Variants in SLC13A3 observed in about 807,000 individuals in gnomAD.
The protein encoded by SLC13A3 is solute carrier family 13 member 3.
In SLC13A3, 40 loss-of-function variants were observed where a neutral mutation model predicts 59.0. The observed-to-expected ratio is 0.68, with a 90% CI of 0.53 to 0.88. The LOEUF (loss-of-function observed/expected upper bound fraction) is 0.88. SLC13A3 is among the 40% of genes least tolerant of loss of function. The pLI is 0.00. For missense variants in SLC13A3, 699 were observed against 783.2 expected (o/e 0.89, Z 1.28); for synonymous variants, 317 against 330.3 (o/e 0.96, Z 0.44).
intron 1 of SLC13A3, among the ~76,000 whole-genome samples, chr20:46,618,170 G>T (rs1260637816): frequency 2.0e-5 from 3 of 150,378 alleles, no homozygotes; most frequent in Non-Finnish European, 2.9e-5. Context: ...GGCATTCAAG[G>T]TTTGGTGCCC....
chr20:46,574,461 T>C (rs454302), intron 10 of SLC13A3, among the ~76,000 whole-genome samples: 123,617 of 152,100 alleles, frequency 0.81, 50,422 homozygotes, highest in East Asian at 0.88. Flanking sequence ...CTGGGCTGGC[T>C]GACCCGCACT....
chr20:46,620,359 G>T (rs1363675942), intron 1 of SLC13A3, among the ~76,000 whole-genome samples: 1 of 152,162 alleles, frequency 6.6e-6, no homozygotes, highest in Non-Finnish European at 1.5e-5. Flanking sequence ...TCAAATTTTT[G>T]CACCAAAATA....
chr20:46,559,898 C>T lies in SLC13A3; in HGVS notation c.*124G>A. ...GACTTGAGTGGGCCACTGGAGGTCA[C>T]CCTTGCTTGCTGCATATTGGATTAC... On this transcript the variant is annotated 3_prime_UTR_variant, in exon 13 of 13. Coordinates refer to ENST00000279027, the MANE Select transcript of SLC13A3 (RefSeq NM_022829.6). 1 of 972,844 alleles carries T rather than the reference C, an allele frequency of 1.0e-6. No homozygotes were observed. Among genetic ancestry groups the T allele is most frequent in the South Asian group, 1.7e-5 (1 of 59,008 alleles). 60.3% of individuals were successfully genotyped at this position (972,844 alleles called of 1,614,324 possible).
upstream of SLC13A3, among the ~76,000 whole-genome samples, chr20:46,654,181 C>A (rs1003926430): frequency 6.6e-6 from 1 of 152,090 alleles, no homozygotes; most frequent in Non-Finnish European, 1.5e-5. Flanking sequence ...TTCTGATGTG[C>A]GTTTCTCTAA....
chr20:46,609,653 C>A (rs1312802673), intron 3 of SLC13A3, among the ~76,000 whole-genome samples: 2 of 152,102 alleles, frequency 1.3e-5, no homozygotes, highest in Non-Finnish European at 2.9e-5. Flanking sequence ...CTGGTTTTTA[C>A]CTCCAATCAT....
upstream of SLC13A3, among the ~76,000 whole-genome samples, chr20:46,670,415 T>C (rs1192745805): frequency 6.6e-6 from 1 of 152,214 alleles, no homozygotes; most frequent in Admixed American, 6.5e-5. Flanking sequence ...CACCCTTGTG[T>C]AGTCCCCTCC....
chr20:46,568,783 G>A lies in SLC13A3; in HGVS notation c.1333-2393C>T, dbSNP rs148203812. On this transcript the variant is annotated intron_variant, in intron 10 of 12. Coordinates refer to ENST00000279027, the MANE Select transcript of SLC13A3 (RefSeq NM_022829.6). ...TAGAGAGAGGGAATATTAATGACTC[G>A]GGCAAGTGAGAAGCCAGGAGCTGCC... Among the ~76,000 whole-genome samples, 238 of 152,314 alleles carry A rather than the reference G, an allele frequency of 1.6e-3. 2 individuals are homozygous for A. The highest frequency in any genetic ancestry group is 5.3e-3 in the African/African-American group (219 of 41,568).
In SLC13A3 at chr20:46,560,086, A is replaced by C. The variant is rs377596816; in HGVS notation, c.1745T>G (p.Met582Arg). Residue 582 changes from methionine (M) to arginine (R), a missense_variant, in exon 13 of 13, where the codon ATG becomes AGG. Coordinates refer to ENST00000279027, the MANE Select transcript of SLC13A3 (RefSeq NM_022829.6). ...CAATGCTGTGACATTGACCGAGTAC[A>C]TATCAGCCCAGTCCGGGAAGGTGCC... ...QLGTFPDWAD[M>R]YSVNVTALPP... is the part of the protein sequence containing the mutation. 2.8e-5 allele frequency: 45 copies of C among 1,614,178 alleles called. No individual in the cohort carries two copies. In the African/African-American group the frequency reaches 3.9e-4, roughly 14 times the overall value.
At chr20:46,564,890 G>A (rs983971486) in intron 11 of SLC13A3, among the ~76,000 whole-genome samples, 10 of 152,126 alleles carry the variant, frequency 6.6e-5, no homozygotes, top group Admixed American at 1.3e-4. Context: ...ATATTCTCCC[G>A]TCATTGAAAA....
In SLC13A3 at chr20:46,558,938, CCA is replaced by C. The variant is rs1671252544; in HGVS notation, c.*1082_*1083del. The C allele has an allele frequency of 6.6e-6, 1 of 151,966 alleles. No homozygotes were observed. The highest frequency in any genetic ancestry group is 2.4e-5 in the African/African-American group (1 of 41,376). The allele number at this position is 151,966 out of a possible 1,614,324, so 9.4% of individuals were successfully genotyped here. On this transcript the variant is annotated 3_prime_UTR_variant, in exon 13 of 13. Coordinates refer to ENST00000279027, the MANE Select transcript of SLC13A3 (RefSeq NM_022829.6). The stretch of plus-strand genomic sequence containing the variant: ...AGGGATTAACCCTTGAAGGCAGACA[CCA>C]CTTCCAGCCTCGGGCTCACGGGGAC...
At chr20:46,610,322 C>G in intron 3 of SLC13A3, 124 bp downstream of exon 3, 1 of 874,846 alleles carries the variant, frequency 1.1e-6, no homozygotes, top group Non-Finnish European at 1.8e-6. Context: ...AACTAAAACA[C>G]CTGACGCATA....
chr20:46,607,035 C>G (rs1341132169), intron 3 of SLC13A3, among the ~76,000 whole-genome samples: 1 of 152,204 alleles, frequency 6.6e-6, no homozygotes, highest in Non-Finnish European at 1.5e-5. Context: ...TCCTCTGTAC[C>G]AGGCACCATG....
At chr20:46,580,219 G>A (rs1018562854) in intron 9 of SLC13A3, among the ~76,000 whole-genome samples, 4 of 152,124 alleles carry the variant, frequency 2.6e-5, no homozygotes, top group Non-Finnish European at 5.9e-5. Context: ...GCCTCCCAGA[G>A]TGCTGGGATT....
At chr20:46,659,000 G>T (rs149648696) in intron 1 of SLC13A3, among the ~76,000 whole-genome samples, 46 of 152,152 alleles carry the variant, frequency 3.0e-4, no homozygotes, top group African/African-American at 1.1e-3. Flanking sequence ...CTCAAAGTTT[G>T]TATTGTATAT....
intron 1 of SLC13A3, among the ~76,000 whole-genome samples, chr20:46,643,386 A>G (rs1204643): frequency 0.017 from 2,652 of 152,290 alleles, 87 homozygotes; most frequent in African/African-American, 0.061. Flanking sequence ...TAAGATCTGA[A>G]CGGAGATCAA....
rs1338341825 is a variant in SLC13A3 at position 46,589,247 on chromosome 20, C to T, written c.929G>A (p.Arg310Lys). 5.0e-6 allele frequency: 8 copies of T among 1,614,136 alleles called. No homozygotes were observed. The highest frequency in any genetic ancestry group is 6.8e-6 in the Non-Finnish European group (8 of 1,179,982). Reference protein sequence around the residue: ...LYGGLSFRGWRKNKSEIRTNA... With the variant: ...LYGGLSFRGWKKNKSEIRTNA... ...GGTTCTTATCTCAGATTTATTCTTC[C>T]TCCAGCCCCTGAAACAGAAAGTGGG... The change falls in exon 7 of 13, where the codon AGG becomes AAG. Residue 310 changes from arginine to lysine, a missense_variant. Arg to Lys is a conservative substitution (Grantham distance 26). Coordinates refer to ENST00000279027, the MANE Select transcript of SLC13A3 (RefSeq NM_022829.6).
rs576353313 is a variant in SLC13A3, at chr20:46,566,287, G to T, written c.1436C>A (p.Thr479Asn). ...GGTCGCCGTGTTGCTGGCAAACTCA[G>T]TGAAGAAGGCGATGACCACAGTGAT... ...LLITVVIAFFTEFASNTATII... is the reference protein window; with the variant it reads ...LLITVVIAFFNEFASNTATII... Residue 479 changes from threonine to asparagine, a missense_variant, in exon 11 of 13, where the codon ACT (threonine) becomes AAT (asparagine). Transcript: ENST00000279027. 2.5e-6 allele frequency: 4 copies of T among 1,613,856 alleles called. No homozygotes were observed. Among genetic ancestry groups the T allele is most frequent in the Non-Finnish European group, 3.4e-6 (4 of 1,179,820 alleles).
intron 3 of SLC13A3, among the ~76,000 whole-genome samples, chr20:46,606,000 A>C (rs1342180251): frequency 1.3e-5 from 2 of 152,242 alleles, no homozygotes; most frequent in Admixed American, 1.3e-4. Context: ...GACATAGAAC[A>C]GTTAGTTCAA....
rs747375260 is a variant in SLC13A3 at position 46,566,498 on chromosome 20, G to A, written c.1333-108C>T. On this transcript the variant is annotated intron_variant, in intron 10 of 12. Transcript: ENST00000279027. ...ATGACGACCATACCCCTTCCCAGAT[G>A]GGGAGACTGAGGTGCAGAGAGGGGA... The A allele has an allele frequency of 7.7e-6, 10 of 1,305,814 alleles. No individual in the cohort carries two copies. The Admixed American group carries it at 2.0e-4, about 27-fold the overall frequency. 80.9% of individuals were successfully genotyped at this position (1,305,814 alleles called of 1,614,324 possible).
Sources: allele counts gnomAD v4.1 joint callset (sites outside exome capture counted in the v4.1 genomes callset), GRCh38; gene constraint gnomAD v4.1.1; transcripts MANE v1.5; gene names NCBI Gene and HGNC (gene_info 2026-07-23, HGNC 2026-07-21).